Variants in ARSB observed in about 807,000 individuals in gnomAD.
ARSB encodes the protein arylsulfatase B.
Under a neutral mutation model 50.9 loss-of-function variants are expected in ARSB, and 41 were observed. That is an observed-to-expected ratio of 0.81 (90% CI 0.63 to 1.04). ARSB has a LOEUF of 1.04. Among genes scored for constraint, ARSB ranks in the 50% least tolerant of loss-of-function variants. The probability of loss-of-function intolerance (pLI) is 0.00; values close to 1 mark genes in which losing one functional copy is unlikely to be tolerated. For synonymous variants in ARSB, 269 were observed against 284.8 expected, an observed-to-expected ratio of 0.94 and a Z score of 0.56; for missense variants, 672 against 693.3, an observed-to-expected ratio of 0.97 and a Z score of 0.35.
chr5:78,798,334 T>C (rs776183179), intron 6 of ARSB, among the ~76,000 whole-genome samples: 1 of 151,928 alleles, frequency 6.6e-6, no homozygotes, highest in Non-Finnish European at 1.5e-5. Context: ...ACACGTTTTT[T>C]TAAGTAATTG....
Position 78,933,288 on chromosome 5 carries a change from A to G in ARSB, c.898+22007T>C, listed in dbSNP as rs551741949. Among the ~76,000 whole-genome samples the G allele has an allele frequency of 2.0e-5, 3 of 152,218 alleles. No homozygotes were observed. The East Asian group carries it at 5.8e-4, about 29-fold the overall frequency. Reference sequence around the variant, plus strand: ...TATAATCGTTTACAGCTTCCTACGTATTTTTCTGGATTTACAACAAAATCC... The same window carrying G: ...TATAATCGTTTACAGCTTCCTACGTGTTTTTCTGGATTTACAACAAAATCC... On this transcript the variant is annotated intron_variant, in intron 4 of 7. Transcript: ENST00000264914.
At chr5:78,932,255 A>C (rs1580079772) in intron 4 of ARSB, among the ~76,000 whole-genome samples, 2 of 152,168 alleles carry the variant, frequency 1.3e-5, no homozygotes, top group South Asian at 4.1e-4. Context: ...ATACCGCTTT[A>C]CCTCCCATGT....
chr5:78,781,617 T>C (rs1278002515), intron 7 of ARSB, among the ~76,000 whole-genome samples: 1 of 152,122 alleles, frequency 6.6e-6, no homozygotes, highest in Non-Finnish European at 1.5e-5. Context: ...CAAATTAAGA[T>C]TTCAGGTATC....
At chr5:78,869,669 T>C (rs1445619470) in intron 5 of ARSB, among the ~76,000 whole-genome samples, 6 of 151,108 alleles carry the variant, frequency 4.0e-5, no homozygotes, top group Non-Finnish European at 8.9e-5. Flanking sequence ...AAGCAGTGTG[T>C]AGAGGGAAAT....
intron 6 of ARSB, among the ~76,000 whole-genome samples, chr5:78,792,652 T>G (rs1204920119): frequency 6.6e-6 from 1 of 152,182 alleles, no homozygotes; most frequent in Non-Finnish European, 1.5e-5. Context: ...GAAATAAGAT[T>G]CTACACGTAG....
chr5:78,936,823 T>A (rs575786136), intron 4 of ARSB, among the ~76,000 whole-genome samples: 5 of 152,222 alleles, frequency 3.3e-5, no homozygotes, highest in African/African-American at 1.2e-4. Flanking sequence ...GACACATTAA[T>A]AATTAGTTTG....
chr5:78,875,197 G>T (rs1421628218), intron 5 of ARSB, among the ~76,000 whole-genome samples: 14 of 151,828 alleles, frequency 9.2e-5, no homozygotes, highest in African/African-American at 2.4e-5. Flanking sequence ...AAATAAACTA[G>T]AAATCAATAA....
At chr5:78,819,185 G>T (rs1349897482) in intron 6 of ARSB, among the ~76,000 whole-genome samples, 3 of 152,154 alleles carry the variant, frequency 2.0e-5, no homozygotes, top group African/African-American at 7.2e-5. Flanking sequence ...GTAAGGAAGG[G>T]GCTGCTGGGA....
intron 6 of ARSB, among the ~76,000 whole-genome samples, chr5:78,811,774 A>G (rs1219460795): frequency 1.3e-5 from 2 of 152,204 alleles, no homozygotes; most frequent in Non-Finnish European, 2.9e-5. Context: ...TTATATAGTT[A>G]TCTCAGGAAC....
chr5:78,861,262 T>G (rs1746421801), intron 5 of ARSB, among the ~76,000 whole-genome samples: 5 of 152,222 alleles, frequency 3.3e-5, no homozygotes, highest in Admixed American at 6.5e-5. Context: ...ACTCATTTTA[T>G]GAGGCCAGCA....
Position 78,854,898 on chromosome 5 carries a change from A to G in ARSB, c.1143-15472T>C, listed in dbSNP as rs147766464. 1.6e-3 allele frequency among the ~76,000 whole-genome samples: 243 copies of G among 152,130 alleles called. 1 individual carries two copies. Among genetic ancestry groups the G allele is most frequent in the African/African-American group, 5.5e-3 (230 of 41,498 alleles). On this transcript the variant is annotated intron_variant, in intron 5 of 7. Transcript: ENST00000264914. Reference sequence around the variant, plus strand: ...TTTCTTTTGGTACTTTGAATACATCATCCACTTCTCTCCTGGCTTGTCAGG... The same window carrying G: ...TTTCTTTTGGTACTTTGAATACATCGTCCACTTCTCTCCTGGCTTGTCAGG...
At chr5:78,865,406 C>T (rs1373914151) in intron 5 of ARSB, among the ~76,000 whole-genome samples, 1 of 152,128 alleles carries the variant, frequency 6.6e-6, no homozygotes, top group Admixed American at 6.5e-5. Context: ...CACAGGGCAC[C>T]AAATCCCTAG....
At chr5:78,939,786 G>T (rs1020233701) in intron 4 of ARSB, among the ~76,000 whole-genome samples, 7 of 151,974 alleles carry the variant, frequency 4.6e-5, no homozygotes, top group South Asian at 2.1e-4. Flanking sequence ...TAATCCTTTG[G>T]GTATATACCC....
intron 5 of ARSB, among the ~76,000 whole-genome samples, chr5:78,868,180 G>A (rs1257557033): frequency 2.8e-5 from 4 of 140,890 alleles, no homozygotes; most frequent in Non-Finnish European, 6.1e-5. Context: ...CCAAATCTAC[G>A]TCTGATTGGT....
At chr5:78,860,874 T>A (rs1388022712) in intron 5 of ARSB, among the ~76,000 whole-genome samples, 1 of 137,146 alleles carries the variant, frequency 7.3e-6, no homozygotes, top group Non-Finnish European at 1.5e-5. Context: ...GCAAGACTAA[T>A]AAAGAAGAAA....
At chr5:78,834,412 A>G (rs565966144) in intron 6 of ARSB, among the ~76,000 whole-genome samples, 1 of 150,810 alleles carries the variant, frequency 6.6e-6, no homozygotes, top group African/African-American at 2.4e-5. Flanking sequence ...CCTCCCCACA[A>G]CCTCAGGCAA....
At chr5:78,911,222 T>C (rs990408280) in intron 4 of ARSB, among the ~76,000 whole-genome samples, 1 of 151,986 alleles carries the variant, frequency 6.6e-6, no homozygotes, top group African/African-American at 2.4e-5. Context: ...GACTCAAGGA[T>C]GAAAAGGTAT....
chr5:78,920,913 A>G (rs1163451564), intron 4 of ARSB, among the ~76,000 whole-genome samples: 1 of 152,104 alleles, frequency 6.6e-6, no homozygotes, highest in Non-Finnish European at 1.5e-5. Flanking sequence ...AGCCCATGCT[A>G]TCAGACTATA....
intron 6 of ARSB, among the ~76,000 whole-genome samples, chr5:78,814,903 C>T (rs1743934585): frequency 6.6e-6 from 1 of 150,618 alleles, no homozygotes; most frequent in South Asian, 2.1e-4. Flanking sequence ...CTTTAATTCA[C>T]ATCAAGGATT....
Sources: allele counts gnomAD v4.1 joint callset (sites outside exome capture counted in the v4.1 genomes callset), GRCh38; gene constraint gnomAD v4.1.1; transcripts MANE v1.5; gene names NCBI Gene and HGNC (gene_info 2026-07-23, HGNC 2026-07-21).